Variants in PHC1 observed in about 807,000 individuals in gnomAD.
PHC1 encodes polyhomeotic-like protein 1.
In PHC1, 12 loss-of-function variants were observed where a neutral mutation model predicts 104.3. The observed-to-expected ratio is 0.12, with a 90% CI of 0.07 to 0.19. The LOEUF (loss-of-function observed/expected upper bound fraction) is 0.19. Among genes scored for constraint, PHC1 ranks in the 10% least tolerant of loss-of-function variants. PHC1 has a pLI of 1.00. For synonymous variants in PHC1, 302 were observed against 455.8 expected (o/e 0.66, Z 4.30); for missense variants, 671 against 1,200.0 (o/e 0.56, Z 6.51).
intron 6 of PHC1, among the ~76,000 whole-genome samples, chr12:8,924,992 G>A (rs1277964911): frequency 6.6e-6 from 1 of 152,278 alleles, no homozygotes; most frequent in African/African-American, 2.4e-5. Flanking sequence ...TGGGAGCCAC[G>A]AGTGAGGTTG....
At position 8,937,949 on chromosome 12, in the gene PHC1, A is replaced by G. The variant is rs766240578; in HGVS notation, c.2749A>G (p.Asn917Asp). ...GHGERDLGNP[N>D]TAPPTPELHG... is the part of the protein sequence containing the mutation. The stretch of plus-strand genomic sequence containing the variant: ...TGGAGAACGTGACCTGGGGAATCCC[A>G]ATACAGCTCCACCTACACCGGAATT... The change falls in exon 14 of 15, where the codon AAT becomes GAT. Residue 917 changes from asparagine to aspartate, a missense_variant. Transcript: ENST00000544916. 1.0e-5 allele frequency: 16 copies of G among 1,603,206 alleles called. No homozygotes were observed. The highest frequency in any genetic ancestry group is 9.9e-5 in the South Asian group (9 of 90,774).
chr12:8,934,137 C>T, intron 9 of PHC1, 125 bp downstream of exon 9: 1 of 1,329,606 alleles, frequency 7.5e-7, no homozygotes. Context: ...TGAATAGATC[C>T]AAAAACAGGG....
At chr12:8,926,654 A>T (rs879600703) in intron 6 of PHC1, among the ~76,000 whole-genome samples, 2 of 151,750 alleles carry the variant, frequency 1.3e-5, no homozygotes, top group Non-Finnish European at 2.9e-5. Flanking sequence ...TCATGCCTGT[A>T]ATCCCAGCAC....
At chr12:8,939,169 A>C in intron 14 of PHC1, 136 bp from the exon 15 acceptor site, 1 of 1,099,402 alleles carries the variant, frequency 9.1e-7, no homozygotes, top group Non-Finnish European at 1.3e-6. Context: ...TTTGCTTTTA[A>C]AGCTTGCCAT....
At chr12:8,924,812 T>C (rs1035657602) in intron 6 of PHC1, among the ~76,000 whole-genome samples, 1 of 152,222 alleles carries the variant, frequency 6.6e-6, no homozygotes, top group Non-Finnish European at 1.5e-5. Context: ...GGATCATTGC[T>C]AGCTATTGAA....
At chr12:8,920,090 C>T (rs1194889890) in intron 3 of PHC1, among the ~76,000 whole-genome samples, 1 of 152,206 alleles carries the variant, frequency 6.6e-6, no homozygotes, top group Non-Finnish European at 1.5e-5. Context: ...TATAGACCTG[C>T]ATTGTCTAAT....
At chr12:8,915,237 C>G (rs1381900969) in intron 1 of PHC1, 2 of 152,624 alleles carry the variant, frequency 1.3e-5, no homozygotes, top group Non-Finnish European at 2.9e-5. Context: ...AGTTCATTCC[C>G]GGCGCACCAC....
Position 8,937,335 on chromosome 12 carries a change from CTTG to C in PHC1, c.2628+14_2628+16del. Reference sequence around the variant, plus strand: ...AGGGCAAGTGCCACCGGGTGAGCTGCTTGTTGTAGAGCCAGATGCCTTTAAACT... The same window carrying C: ...AGGGCAAGTGCCACCGGGTGAGCTGCTTGTAGAGCCAGATGCCTTTAAACT... On this transcript the variant is annotated intron_variant, in intron 13 of 14. Coordinates refer to ENST00000544916, the MANE Select transcript of PHC1 (RefSeq NM_004426.3). 6.3e-7 allele frequency: 1 copy of C among 1,597,898 alleles called. No individual in the cohort carries two copies. The highest frequency in any genetic ancestry group is 8.5e-7 in the Non-Finnish European group (1 of 1,172,858).
chr12:8,930,673 G>T lies in PHC1; in HGVS notation c.851G>T (p.Gly284Val), dbSNP rs202242330. 1.1e-5 allele frequency: 15 copies of T among 1,378,666 alleles called. No homozygotes were observed. The highest frequency in any genetic ancestry group is 1.5e-5 in the Non-Finnish European group (15 of 1,006,402). The allele number at this position is 1,378,666 out of a possible 1,614,324, so 85.4% of individuals were successfully genotyped here. The change falls in exon 7 of 15, where the codon GGT (glycine) becomes GTT (valine). Residue 284 changes from glycine to valine, a missense_variant. By Grantham distance (109) the Gly-to-Val change is moderately radical (BLOSUM62 -3). Around this residue, in one of 9 missense-constraint regions of PHC1, gnomAD observed 78 missense variants for 140.8 expected, o/e 0.55. Coordinates refer to ENST00000544916, the MANE Select transcript of PHC1 (RefSeq NM_004426.3). ...CCAGGGTCCATGGGTCCAGGTGGAG[G>T]TGGGCAGGCACATGGTGGTTTGGGT... ...SIPGSMGPGGGGQAHGGLGQL... is the reference protein window; with the variant it reads ...SIPGSMGPGGVGQAHGGLGQL...
chr12:8,927,420 A>G (rs929562844), intron 6 of PHC1, among the ~76,000 whole-genome samples: 2 of 152,166 alleles, frequency 1.3e-5, no homozygotes, highest in African/African-American at 4.8e-5. Flanking sequence ...AAGAGGAGGC[A>G]GTGGATATTA....
intron 1 of PHC1, among the ~76,000 whole-genome samples, chr12:8,915,505 A>G (rs757180580): frequency 1.3e-5 from 2 of 151,898 alleles, no homozygotes; most frequent in Non-Finnish European, 2.9e-5. Context: ...GTCCACCTCA[A>G]TGTCCCATTC....
At chr12:8,921,311 G>A (rs1945355502) in intron 4 of PHC1, among the ~76,000 whole-genome samples, 1 of 152,006 alleles carries the variant, frequency 6.6e-6, no homozygotes, top group African/African-American at 2.4e-5. Flanking sequence ...ACAAAGAAGG[G>A]GACTAATCCC....
chr12:8,924,741 AAG>A (rs1206059744), intron 6 of PHC1, among the ~76,000 whole-genome samples: 2 of 152,234 alleles, frequency 1.3e-5, no homozygotes, highest in African/African-American at 4.8e-5. Flanking sequence ...ATGATGATAG[AAG>A]AGGTCATTGC....
intron 6 of PHC1, among the ~76,000 whole-genome samples, chr12:8,927,896 TCTTTCTTTCTTTC>T (rs1945568348): frequency 1.7e-5 from 2 of 114,818 alleles, no homozygotes; most frequent in East Asian, 2.5e-4. Context: ...TTTCTTTCTT[TCTTTCTTTCTTTC>T]TTTCTTTTTT....
intron 7 of PHC1, among the ~76,000 whole-genome samples, chr12:8,932,297 A>T (rs909121090): frequency 6.6e-6 from 1 of 152,260 alleles, no homozygotes; most frequent in Non-Finnish European, 1.5e-5. Context: ...GATAAGAGAC[A>T]CAAGAAATTA....
intron 11 of PHC1, among the ~76,000 whole-genome samples, chr12:8,935,782 C>T (rs899341826): frequency 1.3e-5 from 2 of 151,564 alleles, no homozygotes; most frequent in Non-Finnish European, 2.9e-5. Flanking sequence ...TTTTTTGAGA[C>T]GGAGTTTCGC....
At position 8,921,769 on chromosome 12, in the gene PHC1, C is replaced by A. The variant is rs1412269405; in HGVS notation, c.456+19C>A. The A allele has an allele frequency of 1.9e-6, 3 of 1,568,700 alleles. No homozygotes were observed. The African/African-American group carries it at 4.1e-5, about 22-fold the overall frequency. On this transcript the variant is annotated intron_variant, in intron 5 of 14. Transcript: ENST00000544916. ...TCTACGGGTAAGCCACAGATGCAGT[C>A]ACCATTGCCCCAGAGGCATAATTGT...
chr12:8,928,066 C>T (rs1945579658), intron 6 of PHC1, among the ~76,000 whole-genome samples: 1 of 151,766 alleles, frequency 6.6e-6, no homozygotes, highest in South Asian at 2.1e-4. Context: ...CCACTATGCC[C>T]AGCTAATGTT....
In PHC1 at chr12:8,939,330, T is replaced by G; in HGVS notation, c.2886T>G (p.Phe962Leu). 1.2e-6 allele frequency: 2 copies of G among 1,614,114 alleles called. No homozygotes were observed. Among genetic ancestry groups the G allele is most frequent in the Non-Finnish European group, 1.7e-6 (2 of 1,179,998 alleles). ...LQGCQEIAEE[F>L]RSQEIDGQAL... ...GCTGCCAAGAGATTGCAGAGGAATT[T>G]CGCTCACAGGAGATTGATGGACAGG... Residue 962 changes from phenylalanine to leucine, a missense_variant, in exon 15 of 15, where the codon TTT (phenylalanine) becomes TTG (leucine). By Grantham distance (22) the Phe-to-Leu change is conservative. This residue lies in a region of PHC1 where 192 missense variants were observed against 280.5 expected (regional missense o/e 0.68). Transcript: ENST00000544916.
Sources: gnomAD v4.1 joint callset for allele counts (sites outside exome capture counted in the v4.1 genomes callset) on GRCh38, gnomAD v4.1.1 for gene constraint, gnomAD v4.1.1 regional missense constraint, MANE v1.5 for transcripts, NCBI Gene and HGNC (gene_info 2026-07-23, HGNC 2026-07-21) for gene names.